Variants in ATXN7 observed in about 807,000 individuals in gnomAD.
ATXN7 encodes the protein ataxin-7.
Under a neutral mutation model 70.5 loss-of-function variants are expected in ATXN7, and 12 were observed. The observed-to-expected ratio is 0.17, with a 90% CI of 0.11 to 0.28. ATXN7 has a LOEUF of 0.28. ATXN7 is among the 10% of genes least tolerant of loss of function. The pLI, the probability that ATXN7 is intolerant of heterozygous loss-of-function variation, is 1.00. For synonymous variants in ATXN7, 498 were observed against 448.7 expected (o/e 1.11, Z -1.39); for missense variants, 1,256 against 1,131.7 (o/e 1.11, Z -1.58).
chr3:63,977,619 A>G (rs1184930413), intron 5 of ATXN7, among the ~76,000 whole-genome samples: 2 of 152,200 alleles, frequency 1.3e-5, no homozygotes, highest in Non-Finnish European at 2.9e-5. Flanking sequence ...AAAAAAATCT[A>G]TCTCAGCTGA....
At chr3:63,946,820 G>A (rs1004401471) in intron 4 of ATXN7, among the ~76,000 whole-genome samples, 2 of 152,032 alleles carry the variant, frequency 1.3e-5, no homozygotes, top group African/African-American at 4.8e-5. Context: ...AAGCCAGCAG[G>A]GGTCTTCAAG....
At chr3:63,942,796 G>T (rs1174339772) in intron 4 of ATXN7, among the ~76,000 whole-genome samples, 1 of 152,164 alleles carries the variant, frequency 6.6e-6, no homozygotes, top group South Asian at 2.1e-4. Flanking sequence ...TTTATGTGTG[G>T]TAATTCTCTT....
intron 5 of ATXN7, among the ~76,000 whole-genome samples, chr3:63,978,270 A>C (rs1034062719): frequency 6.6e-6 from 1 of 152,212 alleles, no homozygotes; most frequent in Non-Finnish European, 1.5e-5. Flanking sequence ...GTTGACAGCC[A>C]CTGGTCTAGG....
In ATXN7 at chr3:63,963,679, A is replaced by T. The variant is rs141866602; in HGVS notation, c.499+11196A>T. On this transcript the variant is annotated intron_variant, in intron 5 of 12. Transcript: ENST00000674280. ...TGTAAATCCATTCACAGCCCTGGAT[A>T]ACACTAATCCCCTCTTTTTAATGGT... Among the ~76,000 whole-genome samples the T allele has an allele frequency of 1.9e-3, 285 of 152,322 alleles. 1 individual carries two copies. Among genetic ancestry groups the T allele is most frequent in the African/African-American group, 6.4e-3 (268 of 41,572 alleles).
chr3:63,949,840 C>A (rs2074926352), intron 4 of ATXN7, among the ~76,000 whole-genome samples: 1 of 152,170 alleles, frequency 6.6e-6, no homozygotes, highest in Admixed American at 6.5e-5. Context: ...TCCGGTCACA[C>A]AAACCAGAGT....
At chr3:63,998,034 G>A in intron 12 of ATXN7, 1 of 985,362 alleles carries the variant, frequency 1.0e-6, no homozygotes, top group Non-Finnish European at 1.2e-6. Context: ...CAGAAGACAT[G>A]GTGTGCCGAT....
intron 2 of ATXN7, among the ~76,000 whole-genome samples, chr3:63,900,243 ATC>A: frequency 6.6e-6 from 1 of 152,382 alleles, no homozygotes; most frequent in South Asian, 2.1e-4. Flanking sequence ...GGAATCAACT[ATC>A]TTACATACTT....
intron 5 of ATXN7, among the ~76,000 whole-genome samples, chr3:63,973,897 G>T (rs2075353530): frequency 6.6e-6 from 1 of 152,022 alleles, no homozygotes; most frequent in South Asian, 2.1e-4. Context: ...ACTCAAAGGT[G>T]GGCATGACAG....
intron 1 of ATXN7, among the ~76,000 whole-genome samples, chr3:63,872,886 A>G (rs1004397821): frequency 6.6e-6 from 1 of 152,166 alleles, no homozygotes; most frequent in African/African-American, 2.4e-5. Flanking sequence ...TGAGCCTTAG[A>G]AAGGTTAAGT....
intron 1 of ATXN7, among the ~76,000 whole-genome samples, chr3:63,893,999 G>C (rs1703366633): frequency 6.6e-6 from 1 of 152,090 alleles, no homozygotes; most frequent in Non-Finnish European, 1.5e-5. Flanking sequence ...TATATAACTT[G>C]GTTTAAACAT....
In ATXN7 at chr3:63,914,721, AG is replaced by A. The variant is rs1445941081; in HGVS notation, c.394+1498del. ...GTAATTATCAATAATTCTGCTGTAA[AG>A]GATGAGTTAAGTGTATTAATGTTTC... On this transcript the variant is annotated intron_variant, in intron 4 of 12. Coordinates refer to ENST00000674280, the MANE Select transcript of ATXN7 (RefSeq NM_001377405.1). 1.1e-4 allele frequency among the ~76,000 whole-genome samples: 17 copies of A among 152,238 alleles called. 1 individual carries two copies. The highest frequency in any genetic ancestry group is 9.2e-4 in the Admixed American group (14 of 15,294).
At chr3:63,910,214 G>A (rs568761977) in intron 2 of ATXN7, among the ~76,000 whole-genome samples, 31 of 152,242 alleles carry the variant, frequency 2.0e-4, no homozygotes, top group African/African-American at 3.1e-4. Context: ...ATCCAAAAGA[G>A]GAAAGTCAAG....
intron 5 of ATXN7, among the ~76,000 whole-genome samples, chr3:63,968,819 GTTC>G (rs2075267443): frequency 6.6e-6 from 1 of 152,154 alleles, no homozygotes; most frequent in South Asian, 2.1e-4. Context: ...TGTCAATTGA[GTTC>G]TTCAGTTTTC....
intron 1 of ATXN7, among the ~76,000 whole-genome samples, chr3:63,895,171 C>T (rs114948699): frequency 6.6e-6 from 1 of 152,258 alleles, no homozygotes; most frequent in African/African-American, 2.4e-5. Flanking sequence ...CTTGGTTTAG[C>T]CTTTTTTCTT....
intron 4 of ATXN7, among the ~76,000 whole-genome samples, chr3:63,941,259 A>G (rs2074761659): frequency 6.6e-6 from 1 of 151,606 alleles, no homozygotes; most frequent in South Asian, 2.1e-4. Context: ...GTCTCTGGGC[A>G]GTGGACCAGC....
At chr3:63,964,546 A>G (rs2075187417) in intron 5 of ATXN7, among the ~76,000 whole-genome samples, 1 of 152,188 alleles carries the variant, frequency 6.6e-6, no homozygotes. Flanking sequence ...CCATGAAGAT[A>G]TATTTTATTT....
chr3:63,892,902 A>G (rs1410389721), intron 1 of ATXN7, among the ~76,000 whole-genome samples: 1 of 152,186 alleles, frequency 6.6e-6, no homozygotes, highest in African/African-American at 2.4e-5. Context: ...TGGGTTTTGA[A>G]GTCTAGATGT....
rs746122084 is a variant in ATXN7 at position 63,996,213 on chromosome 3, C to T, written c.2391C>T (p.Ser797=). The T allele has an allele frequency of 4.3e-6, 7 of 1,614,048 alleles. No individual in the cohort carries two copies. The highest frequency in any genetic ancestry group is 5.1e-6 in the Non-Finnish European group (6 of 1,180,054). ...SIKRMSVMVN[S]SDSTLSLGPF... ...AGAGGATGAGTGTGATGGTGAACAGCAGTGATTCTACTCTTTCTCTTGGGC... is the reference window on the plus strand; with the variant it reads ...AGAGGATGAGTGTGATGGTGAACAGTAGTGATTCTACTCTTTCTCTTGGGC... Residue 797 remains serine, a synonymous_variant, in exon 12 of 13, where the codon AGC becomes AGT. Transcript: ENST00000674280.
chr3:63,956,501 T>G (rs2075041396), intron 5 of ATXN7, among the ~76,000 whole-genome samples: 1 of 149,904 alleles, frequency 6.7e-6, no homozygotes, highest in Non-Finnish European at 1.5e-5. Flanking sequence ...TTCGAATCAG[T>G]GGATCCCAAA....
Sources: allele counts gnomAD v4.1 joint callset (sites outside exome capture counted in the v4.1 genomes callset), GRCh38; gene constraint gnomAD v4.1.1; transcripts MANE v1.5; gene names NCBI Gene and HGNC (gene_info 2026-07-23, HGNC 2026-07-21).